Variants in LRPPRC observed in about 807,000 individuals in gnomAD.
LRPPRC encodes leucine rich pentatricopeptide repeat containing.
A neutral mutation model predicts 180.3 loss-of-function variants in LRPPRC; 120 were observed. The observed-to-expected ratio is 0.67, with a 90% CI of 0.57 to 0.77. The LOEUF (loss-of-function observed/expected upper bound fraction) is 0.77. Ranked by LOEUF, LRPPRC falls within the 30% of genes least tolerant of loss-of-function variation. The pLI is 0.00. For synonymous variants in LRPPRC, 723 were observed against 600.0 expected (o/e 1.21, Z -3.00); for missense variants, 2,012 against 1,657.2 (o/e 1.21, Z -3.72).
At chr2:43,924,560 G>A (rs965376455) in intron 27 of LRPPRC, among the ~76,000 whole-genome samples, 3 of 152,078 alleles carry the variant, frequency 2.0e-5, no homozygotes, top group African/African-American at 7.2e-5. Flanking sequence ...GTTATTTGTA[G>A]GTGATTAAAT....
At chr2:43,955,613 GC>G (rs765547988) in intron 14 of LRPPRC, among the ~76,000 whole-genome samples, 11 of 151,980 alleles carry the variant, frequency 7.2e-5, no homozygotes, top group Non-Finnish European at 1.3e-4. Context: ...GGTGGCATGC[GC>G]CCATAGTCCC....
chr2:43,945,248 A>G (rs1672635277), intron 22 of LRPPRC, 84 bp downstream of exon 22: 2 of 932,698 alleles, frequency 2.1e-6, no homozygotes, highest in African/African-American at 1.6e-5. Context: ...TTTGCAGGAC[A>G]TGATATCCAT....
In LRPPRC at chr2:43,934,175, T is replaced by TA; in HGVS notation, c.2736+14dup. The TA allele has an allele frequency of 4.3e-6, 6 of 1,400,372 alleles. No homozygotes were observed. Among genetic ancestry groups the TA allele is most frequent in the Non-Finnish European group, 5.1e-6 (5 of 986,018 alleles). 86.7% of individuals were successfully genotyped at this position (1,400,372 alleles called of 1,614,324 possible). On this transcript the variant is annotated intron_variant, in intron 25 of 37. Transcript: ENST00000260665. ...AAATAGCTCTACAATTAGAACACTG[T>TA]AGTTAAAATCACACCTCAATGATCT...
chr2:43,963,800 G>A (rs1442994471), intron 11 of LRPPRC, 94 bp from the exon 12 acceptor site: 2 of 798,666 alleles, frequency 2.5e-6, no homozygotes, highest in African/African-American at 1.7e-5. Context: ...CTGAATCACA[G>A]TATAAGAAAA....
At chr2:43,916,210 T>C (rs992465242) in intron 29 of LRPPRC, among the ~76,000 whole-genome samples, 3 of 152,206 alleles carry the variant, frequency 2.0e-5, no homozygotes, top group Non-Finnish European at 4.4e-5. Flanking sequence ...TGAACCATCC[T>C]TGAAATCCAC....
At chr2:43,900,517 A>C (rs1227809427) in intron 32 of LRPPRC, among the ~76,000 whole-genome samples, 1 of 152,190 alleles carries the variant, frequency 6.6e-6, no homozygotes, top group Non-Finnish European at 1.5e-5. Context: ...CCCAGTTCTT[A>C]GATGAGTAAT....
At chr2:43,924,229 T>C (rs1671796957) in intron 27 of LRPPRC, among the ~76,000 whole-genome samples, 2 of 152,040 alleles carry the variant, frequency 1.3e-5, no homozygotes, top group Non-Finnish European at 2.9e-5. Context: ...ATGAAACAAA[T>C]AGGGAAAGGT....
chr2:43,959,173 A>G (rs1429832755), intron 13 of LRPPRC: 4 of 715,858 alleles, frequency 5.6e-6, no homozygotes, highest in African/African-American at 5.2e-5. Context: ...GTGAGCCCAG[A>G]TTCCTCTGCT....
chr2:43,936,749 C>T (rs1330467429), intron 23 of LRPPRC, among the ~76,000 whole-genome samples: 1 of 152,130 alleles, frequency 6.6e-6, no homozygotes, highest in East Asian at 1.9e-4. Flanking sequence ...TTCTGGCACC[C>T]CACAGAGTCA....
chr2:43,940,504 TTCA>T (rs1305336430), intron 23 of LRPPRC, among the ~76,000 whole-genome samples: 1 of 152,168 alleles, frequency 6.6e-6, no homozygotes, highest in Non-Finnish European at 1.5e-5. Context: ...ATATATGAAG[TTCA>T]TGACACACTT....
chr2:43,907,666 T>C (rs1169910063), intron 30 of LRPPRC, among the ~76,000 whole-genome samples: 1 of 152,180 alleles, frequency 6.6e-6, no homozygotes, highest in East Asian at 1.9e-4. Flanking sequence ...CTGAACTGGA[T>C]AGCAGAGAAT....
Position 43,945,413 on chromosome 2 carries a change from G to T in LRPPRC, c.2215C>A (p.Arg739Ser), listed in dbSNP as rs748198587. 1.9e-6 allele frequency: 3 copies of T among 1,604,300 alleles called. No homozygotes were observed. The stretch of plus-strand genomic sequence containing the variant: ...TCAAGGACAGCAGATGAATCTAAGC[G>T]GTCACTAAAAATTAAAGCCACATTT... ...DALNLKEEFD[R>S]LDSSAVLDTG... is the part of the protein sequence containing the mutation. Residue 739 changes from arginine (R) to serine (S), a missense_variant, in exon 22 of 38, where the codon CGC (arginine) becomes AGC (serine). By Grantham distance (110) the Arg-to-Ser change is moderately radical. Transcript: ENST00000260665.
chr2:43,995,769 C>A, intron 1 of LRPPRC, 30 bp downstream of exon 1: 2 of 1,348,704 alleles, frequency 1.5e-6, no homozygotes, highest in Non-Finnish European at 1.9e-6. Context: ...GGCGCCGCAG[C>A]TTGCCTGGAG....
intron 25 of LRPPRC, among the ~76,000 whole-genome samples, chr2:43,926,708 C>A (rs183774879): frequency 5.3e-5 from 8 of 152,300 alleles, no homozygotes; most frequent in Non-Finnish European, 1.0e-4. Context: ...CTTGAACACA[C>A]ACACATACAC....
intron 17 of LRPPRC, 48 bp downstream of exon 17, chr2:43,948,364 T>TA: frequency 8.7e-7 from 1 of 1,153,870 alleles, no homozygotes; most frequent in Non-Finnish European, 1.3e-6. Flanking sequence ...ATCTAATAGA[T>TA]ACATGTCAGG....
intron 29 of LRPPRC, among the ~76,000 whole-genome samples, chr2:43,917,597 G>A (rs1671519282): frequency 6.6e-6 from 1 of 151,954 alleles, no homozygotes; most frequent in African/African-American, 2.4e-5. Flanking sequence ...AAACCATCCT[G>A]GCTAACACAG....
At chr2:43,972,611 T>C (rs951263083) in intron 11 of LRPPRC, among the ~76,000 whole-genome samples, 8 of 152,192 alleles carry the variant, frequency 5.3e-5, no homozygotes, top group African/African-American at 1.9e-4. Flanking sequence ...AAAGAGTTAA[T>C]CAAACTAGCA....
At chr2:43,950,707 T>C in intron 14 of LRPPRC, 107 bp from the exon 15 acceptor site, 1 of 814,000 alleles carries the variant, frequency 1.2e-6, no homozygotes, top group African/African-American at 1.7e-5. Flanking sequence ...AGTAAATAAA[T>C]GTTTGCTGTA....
intron 27 of LRPPRC, among the ~76,000 whole-genome samples, chr2:43,918,794 T>TATATATATATATATAG (rs1558938154): frequency 3.3e-5 from 1 of 30,130 alleles, no homozygotes; most frequent in Non-Finnish European, 6.3e-5. Flanking sequence ...TATATATAGA[T>TATATATATATATATAG]ATATATATAT....
Sources: allele counts gnomAD v4.1 joint callset (sites outside exome capture counted in the v4.1 genomes callset), GRCh38; gene constraint gnomAD v4.1.1; transcripts MANE v1.5; gene names NCBI Gene and HGNC (gene_info 2026-07-23, HGNC 2026-07-21).